PTCH2: variants seen among roughly 807,000 people sequenced by gnomAD.
PTCH2 encodes protein patched homolog 2.
Under a neutral mutation model 117.9 loss-of-function variants are expected in PTCH2, and 96 were observed. That is an observed-to-expected ratio of 0.81 (90% CI 0.69 to 0.96). The LOEUF is 0.96. Ranked by LOEUF, PTCH2 falls within the 50% of genes least tolerant of loss-of-function variation. PTCH2 has a pLI of 0.00. For synonymous variants in PTCH2, 615 were observed against 660.9 expected, an observed-to-expected ratio of 0.93 and a Z score of 1.06; for missense variants, 1,379 against 1,562.5, an observed-to-expected ratio of 0.88 and a Z score of 1.98.
At chr1:44,842,709 C>A in intron 1 of PTCH2, 152 bp downstream of exon 1, 1 of 754,050 alleles carries the variant, frequency 1.3e-6, no homozygotes, top group East Asian at 2.7e-5. Context: ...GACACACCGA[C>A]ACACACGCAC....
rs999132675 is a variant in PTCH2 at position 44,838,655 on chromosome 1, C to T, written c.265+3192G>A. ...TCACTGAGGCAAAGTTAAGGAGGACCCTGAACTCTGGTCTGGAACACTGTG... is the reference window on the plus strand; with the variant it reads ...TCACTGAGGCAAAGTTAAGGAGGACTCTGAACTCTGGTCTGGAACACTGTG... On this transcript the variant is annotated intron_variant, in intron 2 of 21. Coordinates refer to ENST00000372192, the MANE Select transcript of PTCH2 (RefSeq NM_003738.5). 2.6e-5 allele frequency among the ~76,000 whole-genome samples: 4 copies of T among 152,160 alleles called. No homozygotes were observed. The East Asian group carries it at 7.7e-4, about 29-fold the overall frequency.
chr1:44,827,418 G>GT lies in PTCH2; in HGVS notation c.2354dup (p.Tyr785Ter), dbSNP rs1557644105. The GT allele has an allele frequency of 6.2e-7, 1 of 1,613,960 alleles. No homozygotes were observed. The highest frequency in any genetic ancestry group is 1.1e-5 in the South Asian group (1 of 91,088). The change falls in exon 15 of 22, where the codon TAC (tyrosine) becomes TAAC (stop). Residue 785 changes from tyrosine (Y) to a stop codon, truncating the protein, a stop_gained and frameshift_variant. Transcript: ENST00000372192. LOFTEE classifies it high-confidence loss of function. ...TQAPRTWLHY[Y>*]RNWLQGIQAA... is the part of the protein sequence containing the mutation. The stretch of plus-strand genomic sequence containing the variant: ...GCCTCTCACCCTGTAGCCAGTTGCG[G>GT]TAATAGTGCAGCCAGGTGCGGGGTG...
At chr1:44,830,170 C>T in intron 6 of PTCH2, 140 bp from the exon 7 acceptor site, 1 of 1,215,322 alleles carries the variant, frequency 8.2e-7, no homozygotes, top group Non-Finnish European at 1.1e-6. Flanking sequence ...AGCCTCTTGA[C>T]TGCTCTGCAG....
Position 44,831,873 on chromosome 1 carries a change from A to C in PTCH2, c.526-76T>G, listed in dbSNP as rs1413082220. On this transcript the variant is annotated intron_variant, in intron 4 of 21. Coordinates refer to ENST00000372192, the MANE Select transcript of PTCH2 (RefSeq NM_003738.5). This position sits in a 1 kb window ranked among gnomAD's most constrained non-coding sequence, Gnocchi z 4.3. ...GATGCCCTCTGCAATCCCCCTCCTTAGTTTTAAGGGGGCAGATTGCAGGCT... is the reference window on the plus strand; with the variant it reads ...GATGCCCTCTGCAATCCCCCTCCTTCGTTTTAAGGGGGCAGATTGCAGGCT... The C allele has an allele frequency of 1.1e-5, 17 of 1,579,730 alleles. No individual in the cohort carries two copies. The highest frequency in any genetic ancestry group is 1.5e-5 in the Non-Finnish European group (17 of 1,149,122).
Position 44,842,890 on chromosome 1 carries a change from T to C in PTCH2, c.43A>G (p.Thr15Ala). Residue 15 changes from threonine (T) to alanine (A), a missense_variant, in exon 1 of 22, where the codon ACA becomes GCA. Coordinates refer to ENST00000372192, the MANE Select transcript of PTCH2 (RefSeq NM_003738.5). ...PPLRELPPSY[T>A]PPARTAAPQI... Reference sequence around the variant, plus strand: ...GGTGCTGCGGTTCGAGCTGGGGGTGTGTAACTCGGGGGCAGCTCTCTGAGG... The same window carrying C: ...GGTGCTGCGGTTCGAGCTGGGGGTGCGTAACTCGGGGGCAGCTCTCTGAGG... The C allele has an allele frequency of 1.9e-6, 3 of 1,550,118 alleles. No individual in the cohort carries two copies. The highest frequency in any genetic ancestry group is 2.6e-6 in the Non-Finnish European group (3 of 1,146,258).
rs1226931959 is a variant in PTCH2, at chr1:44,828,972, A to G, written c.1464+10T>C. 3 of 1,552,514 alleles carry G rather than the reference A, an allele frequency of 1.9e-6. No individual in the cohort carries two copies. The highest frequency in any genetic ancestry group is 3.9e-5 in the Admixed American group (2 of 51,090). ...CTGCCTCAGATGAGCCCTGGGGGAC[A>G]AGGCCCCACCTGGAGAGGGGTGCCA... On this transcript the variant is annotated intron_variant, in intron 11 of 21. Transcript: ENST00000372192.
At position 44,829,216 on chromosome 1, in the gene PTCH2, C is replaced by T. The variant is rs764846202; in HGVS notation, c.1312G>A (p.Ala438Thr). 3 of 1,613,480 alleles carry T rather than the reference C, an allele frequency of 1.9e-6. No homozygotes were observed. Among genetic ancestry groups the T allele is most frequent in the Non-Finnish European group, 2.5e-6 (3 of 1,180,018 alleles). The change falls in exon 10 of 22, where the codon GCC (alanine) becomes ACC (threonine). Residue 438 changes from alanine to threonine, a missense_variant. By Grantham distance (58) the Ala-to-Thr change is moderately conservative. Coordinates refer to ENST00000372192, the MANE Select transcript of PTCH2 (RefSeq NM_003738.5). The part of the protein sequence containing the change: ...AGVLLVALAV[A>T]SGLGLCALLG... ...AGGGCACAGAGCCCAAGGCCTGAGG[C>T]CACCGCCAGGGCCACCAGCAGTACC...
chr1:44,838,268 G>A (rs1454238896), intron 2 of PTCH2, among the ~76,000 whole-genome samples: 1 of 152,158 alleles, frequency 6.6e-6, no homozygotes, highest in East Asian at 1.9e-4. Context: ...TACATGGAAT[G>A]GCAGCTCTTG....
rs954703110 is a variant in PTCH2, at chr1:44,829,513, A to C, written c.1104T>G (p.Pro368=). ...CATGGATCTGCTGGGAAGCGTTCTC[A>C]GGCAGGGCCTCCTGGGCCAGCTGGA... ...RFVQLAQEAL[P]ENASQQIHAF... Residue 368 remains proline, a synonymous_variant, in exon 9 of 22, where the codon CCT becomes CCG. Transcript: ENST00000372192. 1 of 1,614,178 alleles carries C rather than the reference A, an allele frequency of 6.2e-7. No homozygotes were observed. The highest frequency in any genetic ancestry group is 8.5e-7 in the Non-Finnish European group (1 of 1,180,024).
At chr1:44,839,387 A>C (rs1314367228) in intron 2 of PTCH2, among the ~76,000 whole-genome samples, 4 of 146,842 alleles carry the variant, frequency 2.7e-5, no homozygotes, top group Non-Finnish European at 6.0e-5. Context: ...AAAAAAACAG[A>C]AAGAAAAAAA....
At chr1:44,834,415 G>A (rs1653594541) in intron 2 of PTCH2, among the ~76,000 whole-genome samples, 1 of 152,122 alleles carries the variant, frequency 6.6e-6, no homozygotes, top group African/African-American at 2.4e-5. Context: ...GAGCCACCGT[G>A]CCCAGCCTCT....
rs1484881718 is a variant in PTCH2, at chr1:44,823,424, A to T, written c.3115-39T>A. 1.2e-6 allele frequency: 2 copies of T among 1,613,906 alleles called. No individual in the cohort carries two copies. Among genetic ancestry groups the T allele is most frequent in the East Asian group, 2.2e-5 (1 of 44,888 alleles). ...GTGGTCCTGGAGCTGCTCCTCTGCCAGTCATGGCCAGCTCAGCCATGTCCC... is the reference window on the plus strand; with the variant it reads ...GTGGTCCTGGAGCTGCTCCTCTGCCTGTCATGGCCAGCTCAGCCATGTCCC... On this transcript the variant is annotated intron_variant, in intron 19 of 21. Coordinates refer to ENST00000372192, the MANE Select transcript of PTCH2 (RefSeq NM_003738.5). The surrounding 1 kb of genome is among the most constrained non-coding windows in gnomAD (Gnocchi z 5.1).
At chr1:44,838,907 A>T (rs994592336) in intron 2 of PTCH2, among the ~76,000 whole-genome samples, 3 of 151,932 alleles carry the variant, frequency 2.0e-5, no homozygotes, top group Non-Finnish European at 4.4e-5. Context: ...TTTAGTAGAG[A>T]TGGAGTTTCA....
chr1:44,832,346 CA>C lies in PTCH2; in HGVS notation c.266-6del. 6.2e-7 allele frequency: 1 copy of C among 1,613,874 alleles called. No individual in the cohort carries two copies. Among genetic ancestry groups the C allele is most frequent in the Non-Finnish European group, 8.5e-7 (1 of 1,180,002 alleles). On this transcript the variant is annotated splice_polypyrimidine_tract_variant and splice_region_variant and intron_variant, in intron 2 of 21. Transcript: ENST00000372192. The stretch of plus-strand genomic sequence containing the variant: ...CCTGGCTCACCCGGCTGCCCACTGC[CA>C]GAGCAAACAGAGAAAGCTGGGGGGG...
chr1:44,836,472 G>T (rs1393442939), intron 2 of PTCH2, among the ~76,000 whole-genome samples: 1 of 152,168 alleles, frequency 6.6e-6, no homozygotes. Context: ...CACTTTGGGA[G>T]GCCGAGGTGG....
intron 19 of PTCH2, among the ~76,000 whole-genome samples, chr1:44,824,695 C>T (rs149701067): frequency 5.3e-5 from 8 of 152,178 alleles, no homozygotes; most frequent in African/African-American, 9.6e-5. Context: ...TTCTTTGAGA[C>T]GGAGTCTTGC....
At chr1:44,820,459 G>C, downstream of PTCH2, 1 of 684,766 alleles carries the variant, frequency 1.5e-6, no homozygotes, top group Non-Finnish European at 2.7e-6. Context: ...CAGACACTCA[G>C]GGGCACTGGG....
rs1653415897 is a variant in PTCH2, at chr1:44,830,884, G to A, written c.777C>T (p.His259=). 2.5e-6 allele frequency: 4 copies of A among 1,572,510 alleles called. No homozygotes were observed. The highest frequency in any genetic ancestry group is 3.5e-6 in the Non-Finnish European group (4 of 1,150,814). Residue 259 remains histidine (H), a synonymous_variant, in exon 6 of 22, where the codon CAC becomes CAT. Coordinates refer to ENST00000372192, the MANE Select transcript of PTCH2 (RefSeq NM_003738.5). ...GRPCLHPDDL[H]CPPSAPNHHS... is the part of the protein sequence containing the mutation. The stretch of plus-strand genomic sequence containing the variant: ...GATGGTTGGGGGCACTAGGTGGGCA[G>A]TGGAGGTCATCAGGGTGCAGACAGG...
chr1:44,836,636 C>T (rs1460119269), intron 2 of PTCH2, among the ~76,000 whole-genome samples: 1 of 151,524 alleles, frequency 6.6e-6, no homozygotes, highest in South Asian at 2.1e-4. Context: ...ACCCAGGAGG[C>T]GGAGGTTGCA....
Sources: gnomAD v4.1 joint callset for allele counts (sites outside exome capture counted in the v4.1 genomes callset) on GRCh38, gnomAD v4.1.1 for gene constraint, Gnocchi (gnomAD v3.1) non-coding constraint, MANE v1.5 for transcripts, NCBI Gene and HGNC (gene_info 2026-07-23, HGNC 2026-07-21) for gene names.